Variants in CFAP299 observed in about 807,000 individuals in gnomAD.
CFAP299 encodes the protein cilia- and flagella-associated protein 299.
In CFAP299, 21 loss-of-function variants were observed where a neutral mutation model predicts 27.0. The observed-to-expected ratio is 0.78, with a 90% CI of 0.55 to 1.12. The LOEUF is 1.12. Ranked by LOEUF, CFAP299 falls within the 50% of genes most tolerant of loss-of-function variation. The pLI is 0.00. For missense variants in CFAP299, 310 were observed against 276.6 expected, an observed-to-expected ratio of 1.12 and a Z score of -0.86; for synonymous variants, 104 against 98.1, an observed-to-expected ratio of 1.06 and a Z score of -0.36.
At chr4:80,613,451 A>C (rs1377505479) in intron 3 of CFAP299, among the ~76,000 whole-genome samples, 1 of 152,176 alleles carries the variant, frequency 6.6e-6, no homozygotes, top group Non-Finnish European at 1.5e-5. Context: ...AATTTATTAT[A>C]AACAAAAATT....
At chr4:80,558,236 A>G (rs999974118) in intron 2 of CFAP299, among the ~76,000 whole-genome samples, 2 of 152,130 alleles carry the variant, frequency 1.3e-5, no homozygotes, top group African/African-American at 4.8e-5. Flanking sequence ...AAATTGAATT[A>G]CCTTGGAAAT....
At chr4:80,714,682 T>C (rs577230655) in intron 3 of CFAP299, among the ~76,000 whole-genome samples, 49 of 152,066 alleles carry the variant, frequency 3.2e-4, no homozygotes, top group Non-Finnish European at 6.3e-4. Flanking sequence ...TAGTTTTTTG[T>C]TTTTTTCATC....
chr4:80,875,970 C>T (rs1284278475), intron 4 of CFAP299, among the ~76,000 whole-genome samples: 1 of 151,994 alleles, frequency 6.6e-6, no homozygotes, highest in Non-Finnish European at 1.5e-5. Context: ...TGGTCTCCCT[C>T]AGGTTGTTCC....
chr4:80,348,936 T>C (rs1722888434), intron 1 of CFAP299, among the ~76,000 whole-genome samples: 1 of 152,180 alleles, frequency 6.6e-6, no homozygotes. Context: ...ATTTATTTTA[T>C]AGAGTTTTGA....
intron 4 of CFAP299, among the ~76,000 whole-genome samples, chr4:80,925,987 T>C (rs1736285299): frequency 6.6e-6 from 1 of 152,094 alleles, no homozygotes; most frequent in Non-Finnish European, 1.5e-5. Context: ...TATCCATTTG[T>C]TCCAGAACTT....
Position 80,607,697 on chromosome 4 carries a change from T to C in CFAP299, c.333+24514T>C, listed in dbSNP as rs964531253. On this transcript the variant is annotated intron_variant, in intron 3 of 5. Coordinates refer to ENST00000358105, the MANE Select transcript of CFAP299 (RefSeq NM_152770.3). ...AGTCAAAGAAGTCGACAGTGATCGCTCAGCTTCTGGCTGCAGACTGAAAGC... is the reference window on the plus strand; with the variant it reads ...AGTCAAAGAAGTCGACAGTGATCGCCCAGCTTCTGGCTGCAGACTGAAAGC... Among the ~76,000 whole-genome samples the C allele has an allele frequency of 2.6e-5, 4 of 152,214 alleles. No individual in the cohort carries two copies. The East Asian group carries it at 7.7e-4, about 29-fold the overall frequency.
intron 2 of CFAP299, among the ~76,000 whole-genome samples, chr4:80,442,458 T>A (rs1728404671): frequency 6.6e-6 from 1 of 152,192 alleles, no homozygotes; most frequent in Non-Finnish European, 1.5e-5. Flanking sequence ...GAATGACTAC[T>A]GGGTAAATAA....
chr4:80,945,078 A>G lies in CFAP299; in HGVS notation c.606+139A>G. ...GAAATAACATTTTGAAACTTAGAGC[A>G]TGTACTACCTTTTAAAAAACACTGC... On this transcript the variant is annotated intron_variant, in intron 5 of 5. Transcript: ENST00000358105. 3.9e-6 allele frequency: 3 copies of G among 768,222 alleles called. No individual in the cohort carries two copies. The East Asian group carries it at 7.8e-5, about 20-fold the overall frequency. 47.6% of individuals were successfully genotyped at this position (768,222 alleles called of 1,614,324 possible).
At chr4:80,687,351 A>C (rs1441650234) in intron 3 of CFAP299, among the ~76,000 whole-genome samples, 1 of 152,166 alleles carries the variant, frequency 6.6e-6, no homozygotes. Context: ...TTCATACCTA[A>C]TAGGAGCTTT....
intron 2 of CFAP299, among the ~76,000 whole-genome samples, chr4:80,474,916 G>GA (rs1311641218): frequency 6.6e-6 from 1 of 152,140 alleles, no homozygotes; most frequent in East Asian, 1.9e-4. Context: ...ATACTATGAA[G>GA]AAAATAATGC....
chr4:80,934,573 C>T (rs1010502683), intron 4 of CFAP299, among the ~76,000 whole-genome samples: 1 of 150,936 alleles, frequency 6.6e-6, no homozygotes, highest in Non-Finnish European at 1.5e-5. Flanking sequence ...AACTTTGTTA[C>T]TCATTATTTG....
intron 2 of CFAP299, chr4:80,386,597 C>A (rs1172218745): frequency 1.1e-5 from 18 of 1,597,786 alleles, no homozygotes; most frequent in East Asian, 2.2e-5. Context: ...GTATTTGTGG[C>A]GGAAAAAGCC....
chr4:80,912,688 C>G, intron 4 of CFAP299, among the ~76,000 whole-genome samples: 1 of 152,150 alleles, frequency 6.6e-6, no homozygotes, highest in East Asian at 1.9e-4. Context: ...AGTTCTGTGT[C>G]TGATATGTCA....
At chr4:80,902,586 T>TACACAC (rs3038572) in intron 4 of CFAP299, among the ~76,000 whole-genome samples, 55,503 of 126,388 alleles carry the variant, frequency 0.44, 14,163 homozygotes, top group Non-Finnish European at 0.56. Context: ...ATGTAATATA[T>TACACAC]ACACACACAC....
At chr4:80,726,991 A>G (rs1723201747) in intron 3 of CFAP299, among the ~76,000 whole-genome samples, 1 of 152,052 alleles carries the variant, frequency 6.6e-6, no homozygotes, top group South Asian at 2.1e-4. Context: ...TCCTCTTTCC[A>G]CACCCCACTC....
intron 3 of CFAP299, among the ~76,000 whole-genome samples, chr4:80,702,181 A>G: frequency 6.6e-6 from 1 of 151,862 alleles, no homozygotes; most frequent in East Asian, 1.9e-4. Flanking sequence ...ACTCAACTAG[A>G]TACCAAGGTT....
At chr4:80,493,720 A>G (rs1169785023) in intron 2 of CFAP299, among the ~76,000 whole-genome samples, 1 of 147,978 alleles carries the variant, frequency 6.8e-6, no homozygotes, top group Non-Finnish European at 1.5e-5. Context: ...ATTTATATCT[A>G]GCTCTTCTGG....
chr4:80,893,124 C>T (rs1054492678), intron 4 of CFAP299, among the ~76,000 whole-genome samples: 2 of 151,172 alleles, frequency 1.3e-5, no homozygotes, highest in African/African-American at 4.9e-5. Context: ...AGAAAAAGCC[C>T]AATTTATAGT....
At chr4:80,794,954 TGA>T (rs1727767737) in intron 3 of CFAP299, among the ~76,000 whole-genome samples, 1 of 152,112 alleles carries the variant, frequency 6.6e-6, no homozygotes, top group Non-Finnish European at 1.5e-5. Context: ...TCAACCTTGG[TGA>T]GTGGAAGCCC....
Sources: gnomAD v4.1 joint callset for allele counts (sites outside exome capture counted in the v4.1 genomes callset) on GRCh38, gnomAD v4.1.1 for gene constraint, MANE v1.5 for transcripts, NCBI Gene and HGNC (gene_info 2026-07-23, HGNC 2026-07-21) for gene names.